CTNND2: variants seen among roughly 807,000 people sequenced by gnomAD.
The protein encoded by CTNND2 is catenin delta-2.
In CTNND2, 22 loss-of-function variants were observed where a neutral mutation model predicts 144.4. The observed-to-expected ratio is 0.15, with a 90% CI of 0.11 to 0.22. CTNND2 has a LOEUF of 0.22. Among genes scored for constraint, CTNND2 ranks in the 10% least tolerant of loss-of-function variants. The probability of loss-of-function intolerance (pLI) is 1.00; values close to 1 mark genes in which losing one functional copy is unlikely to be tolerated. For missense variants in CTNND2, 1,353 were observed against 1,618.8 expected (o/e 0.84, Z 2.82); for synonymous variants, 751 against 695.6 (o/e 1.08, Z -1.25).
At chr5:11,636,710 G>C (rs1307600267) in intron 2 of CTNND2, among the ~76,000 whole-genome samples, 1 of 152,198 alleles carries the variant, frequency 6.6e-6, no homozygotes, top group African/African-American at 2.4e-5. Context: ...ACATTAGAAA[G>C]TGTGTCATCT....
At chr5:11,894,021 G>A (rs1177823734) in intron 1 of CTNND2, among the ~76,000 whole-genome samples, 1 of 152,062 alleles carries the variant, frequency 6.6e-6, no homozygotes. Context: ...GAATAAATTA[G>A]ATTTCTGTAA....
intron 9 of CTNND2, among the ~76,000 whole-genome samples, chr5:11,239,461 C>T (rs1206047862): frequency 6.6e-6 from 1 of 152,216 alleles, no homozygotes; most frequent in Non-Finnish European, 1.5e-5. Flanking sequence ...CACTTCTGTT[C>T]TCCCAGACCT....
At chr5:11,618,352 TCA>T (rs1212201456) in intron 2 of CTNND2, among the ~76,000 whole-genome samples, 3 of 152,198 alleles carry the variant, frequency 2.0e-5, no homozygotes, top group Non-Finnish European at 4.4e-5. Context: ...GCAATTTTGC[TCA>T]CAGTTAGTGA....
chr5:11,050,800 G>A (rs1745751683), intron 16 of CTNND2, among the ~76,000 whole-genome samples: 1 of 152,202 alleles, frequency 6.6e-6, no homozygotes, highest in Non-Finnish European at 1.5e-5. Flanking sequence ...AGCTTCCCTA[G>A]TTTTTGTCTC....
intron 2 of CTNND2, among the ~76,000 whole-genome samples, chr5:11,692,956 CTCT>C (rs1477917546): frequency 2.0e-5 from 3 of 152,218 alleles, no homozygotes; most frequent in Non-Finnish European, 4.4e-5. Context: ...TGACAAAAAT[CTCT>C]TCTTATCTCC....
chr5:11,279,068 A>G (rs959839193), intron 9 of CTNND2, among the ~76,000 whole-genome samples: 4 of 152,164 alleles, frequency 2.6e-5, no homozygotes, highest in African/African-American at 7.2e-5. Flanking sequence ...TGGGACTGAA[A>G]TGGGGTGATG....
intron 12 of CTNND2, among the ~76,000 whole-genome samples, chr5:11,122,909 C>A (rs976910739): frequency 2.0e-5 from 3 of 152,054 alleles, no homozygotes; most frequent in African/African-American, 4.8e-5. Flanking sequence ...GGACCAGAGA[C>A]CAGACCCGAC....
chr5:11,307,368 G>T (rs891072660), intron 9 of CTNND2, among the ~76,000 whole-genome samples: 2 of 150,846 alleles, frequency 1.3e-5, no homozygotes, highest in Non-Finnish European at 3.0e-5. Context: ...GTCACAGGGC[G>T]CAATACACAG....
At chr5:11,208,778 C>T (rs369520906) in intron 10 of CTNND2, among the ~76,000 whole-genome samples, 6 of 152,052 alleles carry the variant, frequency 3.9e-5, no homozygotes, top group African/African-American at 1.4e-4. Context: ...TGAAAAGGAC[C>T]GATGCACACA....
Position 11,117,536 on chromosome 5 carries a change from T to C in CTNND2, c.2191A>G (p.Arg731Gly), listed in dbSNP as rs745514273. 13 of 1,614,060 alleles carry C rather than the reference T, an allele frequency of 8.1e-6. No homozygotes were observed. The highest frequency in any genetic ancestry group is 2.7e-5 in the African/African-American group (2 of 74,920). The change falls in exon 13 of 22, where the codon AGA becomes GGA. Residue 731 changes from arginine (R) to glycine (G), a missense_variant. This residue lies in a region of CTNND2 where 459 missense variants were observed against 674.3 expected (regional missense o/e 0.68). Transcript: ENST00000304623. ...NVSSAGEEAR[R>G]RMRECDGLTD... ...AGCCCATCACACTCTCTCATCCTTC[T>C]GCGGGCCTCCTCTCCGGCCGAACTA...
intron 2 of CTNND2, among the ~76,000 whole-genome samples, chr5:11,713,911 G>T (rs1485285677): frequency 6.6e-6 from 1 of 151,060 alleles, no homozygotes; most frequent in Non-Finnish European, 1.5e-5. Context: ...ACCTGGAAGT[G>T]TGGCATAGGA....
At chr5:11,118,324 G>A (rs1032614642) in intron 12 of CTNND2, among the ~76,000 whole-genome samples, 1 of 152,210 alleles carries the variant, frequency 6.6e-6, no homozygotes, top group Non-Finnish European at 1.5e-5. Context: ...TATGGTTCCA[G>A]TAGAGAATTT....
chr5:11,429,406 T>C (rs1472754975), intron 3 of CTNND2, among the ~76,000 whole-genome samples: 2 of 152,214 alleles, frequency 1.3e-5, no homozygotes, highest in African/African-American at 2.4e-5. Context: ...GTCATGAGCA[T>C]GTCCCCGTTC....
At chr5:11,580,822 T>G (rs1778371568) in intron 2 of CTNND2, among the ~76,000 whole-genome samples, 1 of 152,180 alleles carries the variant, frequency 6.6e-6, no homozygotes, top group South Asian at 2.1e-4. Context: ...GAGACTGACT[T>G]TTTCACTGAC....
At chr5:11,856,918 T>C (rs1009514060) in intron 1 of CTNND2, among the ~76,000 whole-genome samples, 6 of 152,202 alleles carry the variant, frequency 3.9e-5, no homozygotes, top group African/African-American at 1.4e-4. Context: ...TTAATAATTA[T>C]ATAAGATTAT....
rs567923579 is a variant in CTNND2 at position 11,230,885 on chromosome 5, G to A, written c.1761+5806C>T. On this transcript the variant is annotated intron_variant, in intron 10 of 21. Transcript: ENST00000304623. ...GAATTCAAACTCTGCCTTAGTCACT[G>A]GAGATTGCTGAGCTAGATCCCACCC... Among the ~76,000 whole-genome samples, 194 of 152,272 alleles carry A rather than the reference G, an allele frequency of 1.3e-3. 1 individual carries two copies. The highest frequency in any genetic ancestry group is 2.3e-3 in the Non-Finnish European group (158 of 68,020).
At chr5:11,633,161 T>C (rs1416103455) in intron 2 of CTNND2, among the ~76,000 whole-genome samples, 2 of 152,050 alleles carry the variant, frequency 1.3e-5, no homozygotes, top group African/African-American at 2.4e-5. Flanking sequence ...TAACTAAAAA[T>C]AGAATGAACA....
chr5:11,656,447 A>T (rs1184965332), intron 2 of CTNND2, among the ~76,000 whole-genome samples: 1 of 151,744 alleles, frequency 6.6e-6, no homozygotes, highest in Non-Finnish European at 1.5e-5. Context: ...AATGTGAACC[A>T]GAGTCACTAT....
At chr5:11,660,703 A>C (rs1783154735) in intron 2 of CTNND2, among the ~76,000 whole-genome samples, 1 of 152,156 alleles carries the variant, frequency 6.6e-6, no homozygotes, top group African/African-American at 2.4e-5. Context: ...GGTACCCTTA[A>C]AAAAGTCACG....
Sources: gnomAD v4.1 joint callset for allele counts (sites outside exome capture counted in the v4.1 genomes callset) on GRCh38, gnomAD v4.1.1 for gene constraint, gnomAD v4.1.1 regional missense constraint, MANE v1.5 for transcripts, NCBI Gene and HGNC (gene_info 2026-07-23, HGNC 2026-07-21) for gene names.